The following SLC44A5 variants were observed in gnomAD, a reference collection of about 807,000 sequenced individuals.
SLC44A5 encodes the protein choline transporter-like protein 5.
In SLC44A5, 57 loss-of-function variants were observed where a neutral mutation model predicts 101.8. The observed-to-expected ratio is 0.56, with a 90% CI of 0.45 to 0.70. SLC44A5 has a LOEUF of 0.70. SLC44A5 is among the 30% of genes least tolerant of loss of function. SLC44A5 has a pLI of 0.00. For missense variants in SLC44A5, 737 were observed against 853.1 expected (o/e 0.86, Z 1.70); for synonymous variants, 281 against 290.9 (o/e 0.97, Z 0.35).
At chr1:75,395,509 G>T (rs1662068372) in intron 3 of SLC44A5, among the ~76,000 whole-genome samples, 1 of 152,058 alleles carries the variant, frequency 6.6e-6, no homozygotes, top group African/African-American at 2.4e-5. Flanking sequence ...TCTATATGAA[G>T]GAATTTTGAA....
chr1:75,223,783 T>C lies in SLC44A5; in HGVS notation c.986-1323A>G, dbSNP rs17641156. 2.4e-3 allele frequency among the ~76,000 whole-genome samples: 364 copies of C among 152,334 alleles called. 1 individual carries two copies. The highest frequency in any genetic ancestry group is 4.5e-3 in the Non-Finnish European group (304 of 68,024). On this transcript the variant is annotated intron_variant, in intron 13 of 23. Coordinates refer to ENST00000370859, the MANE Select transcript of SLC44A5 (RefSeq NM_001130058.2). Reference sequence around the variant, plus strand: ...ATACGAAGATCTTAGTAATGTATCATCTCACTTCTACATCTTCCTTTAGTT... The same window carrying C: ...ATACGAAGATCTTAGTAATGTATCACCTCACTTCTACATCTTCCTTTAGTT...
At chr1:75,395,343 G>A (rs1662055506) in intron 3 of SLC44A5, among the ~76,000 whole-genome samples, 1 of 152,018 alleles carries the variant, frequency 6.6e-6, no homozygotes, top group African/African-American at 2.4e-5. Flanking sequence ...TTTGTTTTAA[G>A]GTAGGAAAAA....
the SLC44A5 span, among the ~76,000 whole-genome samples, chr1:75,704,509 G>A: frequency 2.0e-5 from 3 of 151,974 alleles, no homozygotes; most frequent in African/African-American, 7.3e-5. Context: ...TTTATTCAAA[G>A]CAATAAAATT....
the SLC44A5 span, among the ~76,000 whole-genome samples, chr1:75,649,657 T>G: frequency 6.6e-6 from 1 of 152,206 alleles, no homozygotes; most frequent in Non-Finnish European, 1.5e-5. Context: ...AGGTCTTCAG[T>G]AAATAGAATC....
rs114083692 is a variant in SLC44A5 at position 75,592,996 on chromosome 1, C to A, written c.-70+18044G>T. Among the ~76,000 whole-genome samples the A allele has an allele frequency of 6.2e-3, 945 of 152,112 alleles. 13 individuals carry two copies. Among genetic ancestry groups the A allele is most frequent in the African/African-American group, 0.021 (879 of 41,530 alleles). Reference sequence around the variant, plus strand: ...CAAAGTAAACATGAACAAATGGGATCATATTAAGTTTAAAAGTTTCTGCAC... The same window carrying A: ...CAAAGTAAACATGAACAAATGGGATAATATTAAGTTTAAAAGTTTCTGCAC... On this transcript the variant is annotated intron_variant, in intron 1 of 23. Transcript: ENST00000370859.
At chr1:75,594,367 C>T (rs383334) in intron 1 of SLC44A5, among the ~76,000 whole-genome samples, 7,258 of 151,862 alleles carry the variant, frequency 0.048, 563 homozygotes, top group African/African-American at 0.16. Context: ...TATTCTAAGC[C>T]GGATCCAAAT....
chr1:75,374,520 G>C (rs958611721), intron 3 of SLC44A5, among the ~76,000 whole-genome samples: 4 of 152,208 alleles, frequency 2.6e-5, no homozygotes, highest in African/African-American at 9.6e-5. Context: ...ACTCCACTAA[G>C]GCCTGTAGAC....
chr1:75,410,889 A>G (rs1663232528), intron 2 of SLC44A5, among the ~76,000 whole-genome samples: 1 of 152,162 alleles, frequency 6.6e-6, no homozygotes, highest in Non-Finnish European at 1.5e-5. Context: ...CACTAAGGCC[A>G]CAAAGAAATA....
the SLC44A5 span, among the ~76,000 whole-genome samples, chr1:75,686,733 T>C: frequency 3.9e-4 from 59 of 152,218 alleles, no homozygotes; most frequent in Non-Finnish European, 7.5e-4. Context: ...TGGAAGCTAT[T>C]ACAACACATC....
At chr1:75,479,429 C>T (rs1395728501) in intron 2 of SLC44A5, among the ~76,000 whole-genome samples, 2 of 151,948 alleles carry the variant, frequency 1.3e-5, no homozygotes, top group Non-Finnish European at 2.9e-5. Flanking sequence ...AATAGAGACA[C>T]AAAAAACCCT....
intron 1 of SLC44A5, chr1:75,581,951 C>G (rs1203655459): frequency 8.4e-6 from 3 of 355,244 alleles, no homozygotes; most frequent in Admixed American, 4.0e-5. Flanking sequence ...TGCTGTGAGC[C>G]AGGTAAACCT....
intron 1 of SLC44A5, among the ~76,000 whole-genome samples, chr1:75,601,292 G>A (rs374771408): frequency 2.7e-5 from 4 of 146,544 alleles, no homozygotes; most frequent in East Asian, 4.1e-4. Flanking sequence ...AACAAACACC[G>A]CATGTTCTCA....
At chr1:75,228,603 G>A (rs925814727) in intron 12 of SLC44A5, among the ~76,000 whole-genome samples, 20 of 151,416 alleles carry the variant, frequency 1.3e-4, no homozygotes, top group Admixed American at 2.6e-4. Context: ...TTTGCTTTTC[G>A]TATTCTACTT....
chr1:75,274,884 G>A, intron 6 of SLC44A5, 74 bp downstream of exon 6: 1 of 1,157,958 alleles, frequency 8.6e-7, no homozygotes, highest in Non-Finnish European at 1.3e-6. Context: ...AGTCTGGTAG[G>A]ATTACTGTAA....
chr1:75,536,627 G>GAAAAAAAA (rs1671027340), intron 2 of SLC44A5, among the ~76,000 whole-genome samples: 2 of 35,476 alleles, frequency 5.6e-5, no homozygotes, highest in Non-Finnish European at 1.4e-4. Flanking sequence ...GAAAAGAAAA[G>GAAAAAAAA]AAAGAAAAAA....
the SLC44A5 span, among the ~76,000 whole-genome samples, chr1:75,712,713 A>AAAAC: frequency 0.43 from 47,536 of 110,568 alleles, 11,738 homozygotes; most frequent in East Asian, 0.65. Flanking sequence ...AAAAAAAAAA[A>AAAAC]ATGGAAAAGA....
intron 2 of SLC44A5, among the ~76,000 whole-genome samples, chr1:75,516,226 A>G (rs1487244429): frequency 6.6e-6 from 1 of 152,336 alleles, no homozygotes; most frequent in African/African-American, 2.4e-5. Context: ...CATAGATAAT[A>G]AACACAGGCC....
chr1:75,286,731 T>C (rs1388416790), intron 5 of SLC44A5, among the ~76,000 whole-genome samples: 1 of 152,078 alleles, frequency 6.6e-6, no homozygotes, highest in Non-Finnish European at 1.5e-5. Flanking sequence ...TTTTCATTTA[T>C]GAAACTTGGT....
chr1:75,317,695 A>C (rs1655801591), intron 4 of SLC44A5, among the ~76,000 whole-genome samples: 2 of 152,150 alleles, frequency 1.3e-5, no homozygotes. Context: ...GTCTGAGATC[A>C]GTGTGCCTGC....
Sources: allele counts gnomAD v4.1 joint callset (sites outside exome capture counted in the v4.1 genomes callset), GRCh38; gene constraint gnomAD v4.1.1; transcripts MANE v1.5; gene names NCBI Gene and HGNC (gene_info 2026-07-23, HGNC 2026-07-21).